Variants in DISP3 observed in about 807,000 individuals in gnomAD.
DISP3 encodes protein dispatched homolog 3.
DISP3 carries 101 observed loss-of-function variants against 135.3 expected under a neutral mutation model. That is an observed-to-expected ratio of 0.75 (90% CI 0.64 to 0.88). The LOEUF (loss-of-function observed/expected upper bound fraction) is 0.88. Ranked by LOEUF, DISP3 falls within the 40% of genes least tolerant of loss-of-function variation. The probability of loss-of-function intolerance (pLI) is 0.00; values close to 1 mark genes in which losing one functional copy is unlikely to be tolerated. For synonymous variants in DISP3, 856 were observed against 817.0 expected (o/e 1.05, Z -0.81); for missense variants, 1,713 against 1,878.6 (o/e 0.91, Z 1.63).
At chr1:11,487,490 C>T (rs1309920709) in intron 1 of DISP3, among the ~76,000 whole-genome samples, 1 of 152,190 alleles carries the variant, frequency 6.6e-6, no homozygotes, top group East Asian at 1.9e-4. Flanking sequence ...TTCTGCCTTC[C>T]CTGCCACCAC....
chr1:11,516,005 G>C lies in DISP3; in HGVS notation c.1593G>C (p.Val531=). The change falls in exon 6 of 21, where the codon GTG becomes GTC. Residue 531 remains valine, a synonymous_variant. Transcript: ENST00000294484. The surrounding 1 kb of genome is among the most constrained non-coding windows in gnomAD (Gnocchi z 5.1). The stretch of plus-strand genomic sequence containing the variant: ...GCTGGGGACTCCCTCCCACAGGTGT[G>C]GACGATGTCTTTGTGTTCATCAACA... ...VAAFVIVGIG[V]DDVFVFINTY... 2.5e-6 allele frequency: 4 copies of C among 1,613,908 alleles called. No homozygotes were observed. Among genetic ancestry groups the C allele is most frequent in the Non-Finnish European group, 3.4e-6 (4 of 1,179,880 alleles).
chr1:11,513,450 G>A (rs1343826630), intron 3 of DISP3, among the ~76,000 whole-genome samples: 1 of 152,174 alleles, frequency 6.6e-6, no homozygotes, highest in South Asian at 2.1e-4. Context: ...TGTCTGCAAA[G>A]GATGTTGATC....
rs774841819 is a variant in DISP3 at position 11,519,323 on chromosome 1, T to C, written c.1890-32T>C. ...CCCTCCCTGGGTACCCAGGACCCTC[T>C]GGTTCACCCCTGTCCCCTACTCTCT... On this transcript the variant is annotated intron_variant, in intron 7 of 20. Coordinates refer to ENST00000294484, the MANE Select transcript of DISP3 (RefSeq NM_020780.2). This position sits in a 1 kb window ranked among gnomAD's most constrained non-coding sequence, Gnocchi z 4.3. 6.2e-7 allele frequency: 1 copy of C among 1,604,598 alleles called. No individual in the cohort carries two copies. Among genetic ancestry groups the C allele is most frequent in the South Asian group, 1.1e-5 (1 of 90,420 alleles).
chr1:11,480,901 G>A (rs1205126329), intron 1 of DISP3, among the ~76,000 whole-genome samples: 1 of 144,798 alleles, frequency 6.9e-6, no homozygotes, highest in Non-Finnish European at 1.5e-5. Flanking sequence ...TTCAGCCCAG[G>A]GTCCATTTTG....
intron 18 of DISP3, 98 bp downstream of exon 18, chr1:11,534,638 T>C: frequency 2.8e-6 from 4 of 1,448,280 alleles, no homozygotes; most frequent in South Asian, 1.4e-5. Flanking sequence ...ATCTCCATCC[T>C]GGCCAAGAGC....
At chr1:11,480,827 T>G (rs1640882453) in intron 1 of DISP3, among the ~76,000 whole-genome samples, 1 of 151,884 alleles carries the variant, frequency 6.6e-6, no homozygotes, top group African/African-American at 2.4e-5. Context: ...GGGAGGAGGC[T>G]GTGGCTCGGT....
intron 3 of DISP3, among the ~76,000 whole-genome samples, chr1:11,509,849 C>T (rs542863300): frequency 1.0e-3 from 157 of 152,246 alleles, no homozygotes; most frequent in Non-Finnish European, 1.5e-3. Context: ...GCCTGTAATC[C>T]TAGCACTTTG....
rs1024821697 is a variant in DISP3 at position 11,479,355 on chromosome 1, C to T, written c.-21C>T. 1 of 153,462 alleles carries T rather than the reference C, an allele frequency of 6.5e-6. No individual in the cohort carries two copies. Among genetic ancestry groups the T allele is most frequent in the Admixed American group, 6.5e-5 (1 of 15,290 alleles). The allele number at this position is 153,462 out of a possible 1,614,324, so 9.5% of individuals were successfully genotyped here. ...TCCCGCGCCGGCGGCTCAGCCTAGC[C>T]CCGTTCGGCCGGCCGAGGTGAGTGC... is the stretch of plus-strand genomic sequence containing the variant. On this transcript the variant is annotated 5_prime_UTR_variant, in exon 1 of 21. Transcript: ENST00000294484.
At chr1:11,530,843 G>A in intron 15 of DISP3, 64 bp from the exon 16 acceptor site, 1 of 1,593,812 alleles carries the variant, frequency 6.3e-7, no homozygotes, top group Non-Finnish European at 8.6e-7. Flanking sequence ...TTGGGGGTGA[G>A]CACCCAGGAC....
At chr1:11,535,188 T>A (rs1334177305) in intron 19 of DISP3, 64 bp downstream of exon 19, 2 of 1,459,568 alleles carry the variant, frequency 1.4e-6, no homozygotes, top group Non-Finnish European at 1.9e-6. Flanking sequence ...GTCTCCCCGG[T>A]GGCCCCAGGT....
At position 11,501,857 on chromosome 1, in the gene DISP3, A is replaced by G. The variant is rs770715126; in HGVS notation, c.865A>G (p.Ile289Val). 12 of 1,612,888 alleles carry G rather than the reference A, an allele frequency of 7.4e-6. No homozygotes were observed. The South Asian group carries it at 9.9e-5, about 13-fold the overall frequency. Residue 289 changes from isoleucine (I) to valine (V), a missense_variant, in exon 2 of 21, where the codon ATT (isoleucine) becomes GTT (valine). Physicochemically the swap from Ile to Val is conservative, Grantham distance 29 (BLOSUM62 3). Coordinates refer to ENST00000294484, the MANE Select transcript of DISP3 (RefSeq NM_020780.2). This position sits in a 1 kb window ranked among gnomAD's most constrained non-coding sequence, Gnocchi z 4.9. ...GGCGCGCGGCGACGCGGAGCGCAAC[A>G]TTTTCACCAGTGAGCGCCTGGTCAC... ...FLARGDAERNIFTSERLVTIH... is the reference protein window; with the variant it reads ...FLARGDAERNVFTSERLVTIH...
intron 19 of DISP3, 117 bp from the exon 20 acceptor site, chr1:11,535,361 C>CG: frequency 1.4e-6 from 2 of 1,396,358 alleles, no homozygotes; most frequent in South Asian, 2.7e-5. Context: ...GGGGTCCCCT[C>CG]GGTGTGCCTT....
At chr1:11,511,497 C>T (rs1003078685) in intron 3 of DISP3, among the ~76,000 whole-genome samples, 1 of 152,222 alleles carries the variant, frequency 6.6e-6, no homozygotes, top group African/African-American at 2.4e-5. Flanking sequence ...CCATTGACTC[C>T]AGGTCTCACA....
At chr1:11,484,723 G>A (rs1369293609) in intron 1 of DISP3, among the ~76,000 whole-genome samples, 1 of 152,194 alleles carries the variant, frequency 6.6e-6, no homozygotes, top group African/African-American at 2.4e-5. Flanking sequence ...AGGTTATGGT[G>A]TTTCTGTATA....
At position 11,519,587 on chromosome 1, in the gene DISP3, G is replaced by T. The variant is rs1215331690; in HGVS notation, c.2038+84G>T. ...CAGGGGAGTAACACTTGACAAGTTG[G>T]TCCTGAGGCTGGGGGCCGGACAAGA... is the stretch of plus-strand genomic sequence containing the variant. On this transcript the variant is annotated intron_variant, in intron 8 of 20. Coordinates refer to ENST00000294484, the MANE Select transcript of DISP3 (RefSeq NM_020780.2). This position sits in a 1 kb window ranked among gnomAD's most constrained non-coding sequence, Gnocchi z 4.3. The T allele has an allele frequency of 1.3e-6, 2 of 1,579,496 alleles. No individual in the cohort carries two copies. The highest frequency in any genetic ancestry group is 1.3e-5 in the African/African-American group (1 of 74,394).
In DISP3 at chr1:11,502,702, A is replaced by C; in HGVS notation, c.1121A>C (p.His374Pro). The change falls in exon 3 of 21, where the codon CAC (histidine) becomes CCC (proline). Residue 374 changes from histidine (H) to proline (P), a missense_variant. Transcript: ENST00000294484. ...GGCTCCCTGGAGCTGGCCATGACTC[A>C]CCCTGAGTTCTACTGGTATGTGGAT... is the stretch of plus-strand genomic sequence containing the variant. ...IRGSLELAMT[H>P]PEFYWYVDEG... is the part of the protein sequence containing the mutation. 6.2e-7 allele frequency: 1 copy of C among 1,613,986 alleles called. No individual in the cohort carries two copies. The highest frequency in any genetic ancestry group is 8.5e-7 in the Non-Finnish European group (1 of 1,179,980).
At chr1:11,524,099 AG>A (rs1642337175) in intron 11 of DISP3, 44 bp downstream of exon 11, 1 of 1,419,312 alleles carries the variant, frequency 7.0e-7, no homozygotes, top group African/African-American at 1.4e-5. Flanking sequence ...CCCTGGTGCT[AG>A]GGTTGAAGGC....
At chr1:11,517,377 G>C in intron 6 of DISP3, 86 bp from the exon 7 acceptor site, 1 of 1,554,348 alleles carries the variant, frequency 6.4e-7, no homozygotes, top group Middle Eastern at 1.7e-4. Context: ...CTGGGGTCCT[G>C]AGTGTCTCTG....
chr1:11,521,903 G>A (rs1203546709), intron 10 of DISP3, among the ~76,000 whole-genome samples: 1 of 152,168 alleles, frequency 6.6e-6, no homozygotes, highest in African/African-American at 2.4e-5. Context: ...GGAGAAGCGG[G>A]GTGAGGGAGT....
Sources: gnomAD v4.1 joint callset for allele counts (sites outside exome capture counted in the v4.1 genomes callset) on GRCh38, gnomAD v4.1.1 for gene constraint, Gnocchi (gnomAD v3.1) non-coding constraint, MANE v1.5 for transcripts, NCBI Gene and HGNC (gene_info 2026-07-23, HGNC 2026-07-21) for gene names.